The following CUX2 variants were observed in gnomAD, a reference collection of about 807,000 sequenced individuals.
CUX2 encodes cut like homeobox 2.
CUX2 carries 40 observed loss-of-function variants against 144.8 expected under a neutral mutation model. The ratio of observed to expected loss-of-function variants is 0.28; its 90% CI spans 0.21 to 0.36. The LOEUF (loss-of-function observed/expected upper bound fraction) is 0.36. Ranked by LOEUF, CUX2 falls within the 10% of genes least tolerant of loss-of-function variation. The pLI is 1.00. For synonymous variants in CUX2, 827 were observed against 875.6 expected, an observed-to-expected ratio of 0.94 and a Z score of 0.98; for missense variants, 1,615 against 1,994.0, an observed-to-expected ratio of 0.81 and a Z score of 3.62.
chr12:111,312,955 CCA>C lies in CUX2; in HGVS notation c.2002+757_2002+758del, dbSNP rs1886980307. Among the ~76,000 whole-genome samples, 1 of 152,212 alleles carries C rather than the reference CCA, an allele frequency of 6.6e-6. No homozygotes were observed. The highest frequency in any genetic ancestry group is 1.5e-5 in the Non-Finnish European group (1 of 68,044). Reference sequence around the variant, plus strand: ...CTGCACCCGCTTCCCTCCACCCCCACCACAGTGACCTGTTTGCTTGGTGTAGT... The same window carrying C: ...CTGCACCCGCTTCCCTCCACCCCCACCAGTGACCTGTTTGCTTGGTGTAGT... On this transcript the variant is annotated intron_variant, in intron 16 of 21. Transcript: ENST00000261726. This position sits in a 1 kb window ranked among gnomAD's most constrained non-coding sequence, Gnocchi z 4.3.
chr12:111,140,032 C>T (rs933225533), intron 1 of CUX2, among the ~76,000 whole-genome samples: 8 of 152,194 alleles, frequency 5.3e-5, no homozygotes, highest in African/African-American at 1.9e-4. Flanking sequence ...AGTCGTGGGA[C>T]CTGCCCTACA....
rs189576129 is a variant in CUX2 at position 111,072,114 on chromosome 12, A to G, written c.63+37874A>G. Among the ~76,000 whole-genome samples, 35 of 152,282 alleles carry G rather than the reference A, an allele frequency of 2.3e-4. 1 individual carries two copies. The East Asian group carries it at 5.6e-3, about 24-fold the overall frequency. Reference sequence around the variant, plus strand: ...TATTCTGGGTCTTTTGCCTCTCCATATAAACTGTAGAATCAGTTTGTCACT... The same window carrying G: ...TATTCTGGGTCTTTTGCCTCTCCATGTAAACTGTAGAATCAGTTTGTCACT... On this transcript the variant is annotated intron_variant, in intron 1 of 21. Coordinates refer to ENST00000261726, the MANE Select transcript of CUX2 (RefSeq NM_015267.4).
At chr12:111,048,265 G>A (rs998409427) in intron 1 of CUX2, among the ~76,000 whole-genome samples, 3 of 152,200 alleles carry the variant, frequency 2.0e-5, no homozygotes, top group Non-Finnish European at 2.9e-5. Flanking sequence ...GGGAGGGGAC[G>A]TTTGGAAAAT....
chr12:111,334,692 C>A lies in CUX2; in HGVS notation c.3178C>A (p.Leu1060Ile). 6.2e-7 allele frequency: 1 copy of A among 1,610,334 alleles called. No individual in the cohort carries two copies. ...CATCACCAAGAGGGTGAAGGAGGTCCTCACAGACAACAATCTAGGTACGGA... is the reference window on the plus strand; with the variant it reads ...CATCACCAAGAGGGTGAAGGAGGTCATCACAGACAACAATCTAGGTACGGA... ...YSITKRVKEV[L>I]TDNNLGQRLF... is the part of the protein sequence containing the mutation. Residue 1060 changes from leucine (L) to isoleucine (I), a missense_variant, in exon 19 of 22, where the codon CTC (leucine) becomes ATC (isoleucine). Leu to Ile is a conservative substitution (Grantham distance 5). Coordinates refer to ENST00000261726, the MANE Select transcript of CUX2 (RefSeq NM_015267.4).
chr12:111,275,809 A>G (rs1167279552), intron 4 of CUX2, among the ~76,000 whole-genome samples: 1 of 152,158 alleles, frequency 6.6e-6, no homozygotes, highest in Non-Finnish European at 1.5e-5. Flanking sequence ...GTACTGGAGC[A>G]TCTTCAACAC....
intron 1 of CUX2, among the ~76,000 whole-genome samples, chr12:111,209,588 G>A (rs906488268): frequency 2.6e-5 from 4 of 152,126 alleles, no homozygotes; most frequent in Non-Finnish European, 5.9e-5. Context: ...TGACCTGAGC[G>A]ACCTTGAGGA....
intron 15 of CUX2, among the ~76,000 whole-genome samples, chr12:111,311,326 C>T (rs936674454): frequency 2.0e-5 from 3 of 152,002 alleles, no homozygotes; most frequent in Non-Finnish European, 2.9e-5. Flanking sequence ...CTCACTCTGT[C>T]ACCCAGGCTG....
chr12:111,200,004 A>G (rs1182347678), intron 1 of CUX2, among the ~76,000 whole-genome samples: 1 of 152,188 alleles, frequency 6.6e-6, no homozygotes, highest in African/African-American at 2.4e-5. Flanking sequence ...ATGAACATGC[A>G]TTACTGTACT....
chr12:111,134,610 C>CTGTG (rs1483403424), intron 1 of CUX2, among the ~76,000 whole-genome samples: 12 of 138,282 alleles, frequency 8.7e-5, no homozygotes, highest in African/African-American at 3.1e-4. Context: ...CTCTCTCTCT[C>CTGTG]TCTCTCTCTC....
At chr12:111,215,720 C>G (rs1881493350) in intron 2 of CUX2, among the ~76,000 whole-genome samples, 1 of 152,174 alleles carries the variant, frequency 6.6e-6, no homozygotes, top group Admixed American at 6.5e-5. Flanking sequence ...CTCCAGGAAT[C>G]AGAGCTGAAT....
chr12:111,058,561 G>GAC (rs1870629826), intron 1 of CUX2, among the ~76,000 whole-genome samples: 1 of 149,168 alleles, frequency 6.7e-6, no homozygotes, highest in African/African-American at 2.6e-5. Context: ...GAGAGAGAGA[G>GAC]AGAGAGACAG....
At chr12:111,100,279 A>G (rs1383682444) in intron 1 of CUX2, among the ~76,000 whole-genome samples, 1 of 151,598 alleles carries the variant, frequency 6.6e-6, no homozygotes, top group African/African-American at 2.4e-5. Context: ...GTCCAGCTCG[A>G]TGTATGCGTG....
chr12:111,120,529 T>C (rs1874584283), intron 1 of CUX2, among the ~76,000 whole-genome samples: 1 of 152,064 alleles, frequency 6.6e-6, no homozygotes, highest in Non-Finnish European at 1.5e-5. Flanking sequence ...TTGAGTAGAC[T>C]GACATATTGG....
chr12:111,202,239 G>A (rs369047131), intron 1 of CUX2, among the ~76,000 whole-genome samples: 25 of 152,212 alleles, frequency 1.6e-4, no homozygotes, highest in Admixed American at 1.1e-3. Flanking sequence ...CCTAAGAGGG[G>A]CACAAGGGGT....
intron 1 of CUX2, among the ~76,000 whole-genome samples, chr12:111,164,260 C>T (rs1312418165): frequency 1.3e-5 from 2 of 152,022 alleles, no homozygotes; most frequent in Admixed American, 6.6e-5. Context: ...ATTGAGGGGA[C>T]ACTTGGTGTT....
intron 1 of CUX2, among the ~76,000 whole-genome samples, chr12:111,168,186 C>T (rs1878276866): frequency 6.6e-6 from 1 of 152,204 alleles, no homozygotes; most frequent in Non-Finnish European, 1.5e-5. Context: ...CCTGAGGCCT[C>T]ATCAGACAGC....
chr12:111,253,731 A>G (rs1217763873), intron 3 of CUX2, among the ~76,000 whole-genome samples: 1 of 152,184 alleles, frequency 6.6e-6, no homozygotes, highest in African/African-American at 2.4e-5. Flanking sequence ...TGTATTAGGC[A>G]TCTGTGATGG....
At position 111,217,974 on chromosome 12, in the gene CUX2, C is replaced by T. The variant is rs200060130; in HGVS notation, c.222+37C>T. 9 of 1,612,056 alleles carry T rather than the reference C, an allele frequency of 5.6e-6. No homozygotes were observed. In the African/African-American group the frequency reaches 8.0e-5, roughly 14 times the overall value. On this transcript the variant is annotated intron_variant, in intron 3 of 21. Transcript: ENST00000261726. Reference sequence around the variant, plus strand: ...GGCCCACAGCATGTCAGAAAAGTGCCCCCAATGGCTCCCCCTCCTATCCCA... The same window carrying T: ...GGCCCACAGCATGTCAGAAAAGTGCTCCCAATGGCTCCCCCTCCTATCCCA...
chr12:111,100,322 G>A (rs1007450856), intron 1 of CUX2, among the ~76,000 whole-genome samples: 22 of 152,132 alleles, frequency 1.4e-4, no homozygotes, highest in African/African-American at 3.9e-4. Context: ...CTTTCTCTGC[G>A]TGTGTGGTGG....
Sources: allele counts gnomAD v4.1 joint callset (sites outside exome capture counted in the v4.1 genomes callset), GRCh38; gene constraint gnomAD v4.1.1; non-coding constraint Gnocchi (gnomAD v3.1); transcripts MANE v1.5; gene names NCBI Gene and HGNC (gene_info 2026-07-23, HGNC 2026-07-21).